The following TACC2 variants were observed in gnomAD, a reference collection of about 807,000 sequenced individuals.
TACC2 encodes transforming acidic coiled-coil containing protein 2, also known as transforming acidic coiled-coil-containing protein 2.
TACC2 carries 137 observed loss-of-function variants against 227.3 expected under a neutral mutation model. The observed-to-expected ratio is 0.60, with a 90% CI of 0.52 to 0.69. The LOEUF is 0.69. TACC2 is among the 30% of genes least tolerant of loss of function. TACC2 has a pLI of 0.00. For synonymous variants in TACC2, 1,523 were observed against 1,487.5 expected, an observed-to-expected ratio of 1.02 and a Z score of -0.55; for missense variants, 3,470 against 3,694.4, an observed-to-expected ratio of 0.94 and a Z score of 1.57.
intron 16 of TACC2, among the ~76,000 whole-genome samples, chr10:122,232,091 A>G (rs2095763593): frequency 1.3e-5 from 2 of 152,264 alleles, no homozygotes; most frequent in South Asian, 4.1e-4. Context: ...AGGCAGGGAC[A>G]AGAATGTCAA....
In TACC2 at chr10:122,207,374, A is replaced by G. The variant is rs182153383; in HGVS notation, c.5972-3023A>G. On this transcript the variant is annotated intron_variant, in intron 8 of 22. Transcript: ENST00000369005. ...CCACAGGAGCCCTTCTAGCCCTGTG[A>G]GGGGCCCCGTGGAGCAGCCTGCTCT... Among the ~76,000 whole-genome samples, 145 of 152,020 alleles carry G rather than the reference A, an allele frequency of 9.5e-4. 2 individuals are homozygous for G. The highest frequency in any genetic ancestry group is 2.5e-3 in the African/African-American group (103 of 41,472).
At chr10:122,042,713 C>A (rs1220008173) in intron 2 of TACC2, among the ~76,000 whole-genome samples, 1 of 152,106 alleles carries the variant, frequency 6.6e-6, no homozygotes, top group Non-Finnish European at 1.5e-5. Context: ...CAGTTATGAC[C>A]CCCATTCTAC....
intron 2 of TACC2, among the ~76,000 whole-genome samples, chr10:122,037,994 C>A (rs1366563054): frequency 6.6e-6 from 1 of 152,132 alleles, no homozygotes; most frequent in Non-Finnish European, 1.5e-5. Flanking sequence ...GCACTGTAAC[C>A]AAACCAAAGC....
At chr10:122,216,190 T>G (rs1382404236) in intron 10 of TACC2, among the ~76,000 whole-genome samples, 1 of 152,088 alleles carries the variant, frequency 6.6e-6, no homozygotes, top group Non-Finnish European at 1.5e-5. Context: ...CCTGCCCTAC[T>G]CCACTTCCCA....
intron 1 of TACC2, among the ~76,000 whole-genome samples, chr10:122,002,426 G>T (rs1023912010): frequency 2.7e-5 from 4 of 148,878 alleles, no homozygotes; most frequent in Non-Finnish European, 6.0e-5. Flanking sequence ...ATATTGCTTT[G>T]TAGTTTTTGT....
At chr10:122,169,931 T>G (rs2093383596) in intron 7 of TACC2, among the ~76,000 whole-genome samples, 1 of 151,516 alleles carries the variant, frequency 6.6e-6, no homozygotes, top group Admixed American at 6.6e-5. Context: ...TTAAATTTTT[T>G]GTAAAGACAG....
chr10:122,204,144 C>CG (rs1565607954), intron 8 of TACC2, among the ~76,000 whole-genome samples: 4 of 122,706 alleles, frequency 3.3e-5, no homozygotes, highest in Non-Finnish European at 6.4e-5. Flanking sequence ...AGAGGGAGAC[C>CG]TTGGAAAGAG....
intron 7 of TACC2, among the ~76,000 whole-genome samples, chr10:122,154,731 A>G (rs2092347409): frequency 2.6e-5 from 4 of 152,234 alleles, no homozygotes; most frequent in Admixed American, 6.5e-5. Context: ...TTATACAGAC[A>G]GGGCCTCTCG....
At position 122,219,567 on chromosome 10, in the gene TACC2, G is replaced by T. The variant is rs150616961; in HGVS notation, c.7546+2739G>T. ...GCTCAGCAATTTGATCCTGCAGTGGGCATCACCTGCGTCAGATGTGGAGCA... is the reference window on the plus strand; with the variant it reads ...GCTCAGCAATTTGATCCTGCAGTGGTCATCACCTGCGTCAGATGTGGAGCA... On this transcript the variant is annotated intron_variant, in intron 11 of 22. Transcript: ENST00000369005. Among the ~76,000 whole-genome samples the T allele has an allele frequency of 4.5e-3, 681 of 152,274 alleles. 4 individuals are homozygous for T. Among genetic ancestry groups the T allele is most frequent in the East Asian group, 0.02 (106 of 5,176 alleles).
intron 3 of TACC2, among the ~76,000 whole-genome samples, chr10:122,065,228 G>A (rs1293450350): frequency 6.6e-6 from 1 of 152,126 alleles, no homozygotes; most frequent in East Asian, 1.9e-4. Flanking sequence ...TGAGAAGCTG[G>A]CATCATTGAT....
chr10:122,025,575 AT>A (rs57719351), intron 2 of TACC2, among the ~76,000 whole-genome samples: 81,641 of 145,112 alleles, frequency 0.56, 22,516 homozygotes, highest in East Asian at 0.69. Context: ...ATTTTTATTT[AT>A]TTTATTTTTT....
At chr10:122,215,489 C>T (rs542046693) in intron 10 of TACC2, 38 bp downstream of exon 10, 24 of 1,579,326 alleles carry the variant, frequency 1.5e-5, no homozygotes, top group South Asian at 1.1e-4. Flanking sequence ...TTTATGCCCC[C>T]CCCGGGGGAG....
At chr10:122,023,736 A>G (rs921341295) in intron 2 of TACC2, 3 of 151,512 alleles carry the variant, frequency 2.0e-5, no homozygotes, top group African/African-American at 2.4e-5. Flanking sequence ...TGGCACATGT[A>G]TACATATGTA....
intron 7 of TACC2, among the ~76,000 whole-genome samples, chr10:122,192,992 C>T (rs544612334): frequency 6.6e-6 from 1 of 152,324 alleles, no homozygotes; most frequent in Admixed American, 6.5e-5. Flanking sequence ...ACAGATGCTT[C>T]AGGTACCTCG....
chr10:122,152,823 G>A (rs4752662), intron 7 of TACC2, among the ~76,000 whole-genome samples: 103,316 of 151,954 alleles, frequency 0.68, 36,270 homozygotes, highest in Non-Finnish European at 0.78. Flanking sequence ...ACCTTGTGGA[G>A]AAAAGGGTGG....
chr10:122,082,468 A>T (rs1267195689), intron 3 of TACC2, among the ~76,000 whole-genome samples, 179 bp from the exon 4 acceptor site: 1 of 151,028 alleles, frequency 6.6e-6, no homozygotes, highest in Non-Finnish European at 1.5e-5. Flanking sequence ...GGCATGCATA[A>T]TGGTTATGGG....
chr10:122,047,129 A>G (rs2136128140), intron 2 of TACC2, among the ~76,000 whole-genome samples: 1 of 151,340 alleles, frequency 6.6e-6, no homozygotes, highest in East Asian at 2.0e-4. Context: ...TCTCTACTAA[A>G]AATACAAAAA....
At chr10:122,121,431 T>G (rs556817893) in intron 5 of TACC2, among the ~76,000 whole-genome samples, 1 of 152,274 alleles carries the variant, frequency 6.6e-6, no homozygotes, top group South Asian at 2.1e-4. Flanking sequence ...GTACAGCTCT[T>G]TATTGCTGGA....
At chr10:122,118,641 C>A (rs1476746097) in intron 5 of TACC2, among the ~76,000 whole-genome samples, 1 of 152,156 alleles carries the variant, frequency 6.6e-6, no homozygotes, top group Non-Finnish European at 1.5e-5. Flanking sequence ...AATTTTGCTG[C>A]TTGTGTGGTT....
Sources: allele counts gnomAD v4.1 joint callset (sites outside exome capture counted in the v4.1 genomes callset), GRCh38; gene constraint gnomAD v4.1.1; transcripts MANE v1.5; gene names NCBI Gene and HGNC (gene_info 2026-07-23, HGNC 2026-07-21).